Variants in ERBB4 observed in about 807,000 individuals in gnomAD.
ERBB4 encodes the protein erb-b2 receptor tyrosine kinase 4.
A neutral mutation model predicts 158.0 loss-of-function variants in ERBB4; 42 were observed. The observed-to-expected ratio is 0.27, with a 90% CI of 0.21 to 0.34. The LOEUF is 0.34. Among genes scored for constraint, ERBB4 ranks in the 10% least tolerant of loss-of-function variants. The pLI, the probability that ERBB4 is intolerant of heterozygous loss-of-function variation, is 1.00. For missense variants in ERBB4, 1,333 were observed against 1,624.1 expected (o/e 0.82, Z 3.08); for synonymous variants, 583 against 558.7 (o/e 1.04, Z -0.61).
At chr2:211,527,183 A>C (rs2066372509) in intron 20 of ERBB4, among the ~76,000 whole-genome samples, 1 of 152,222 alleles carries the variant, frequency 6.6e-6, no homozygotes, top group Non-Finnish European at 1.5e-5. Flanking sequence ...ATAAAGAAAT[A>C]ATTCTAAAAG....
At chr2:211,593,033 CT>C (rs1350277807) in intron 19 of ERBB4, among the ~76,000 whole-genome samples, 1 of 144,580 alleles carries the variant, frequency 6.9e-6, no homozygotes, top group Non-Finnish European at 1.5e-5. Flanking sequence ...AAGAAGGGCC[CT>C]TCTGCACACT....
intron 1 of ERBB4, among the ~76,000 whole-genome samples, chr2:212,253,169 T>G (rs2084604343): frequency 6.6e-6 from 1 of 152,158 alleles, no homozygotes; most frequent in South Asian, 2.1e-4. Context: ...CCACATAATC[T>G]GTAATCGTTC....
intron 13 of ERBB4, among the ~76,000 whole-genome samples, chr2:211,675,546 G>T (rs1441604087): frequency 6.6e-6 from 1 of 151,818 alleles, no homozygotes; most frequent in African/African-American, 2.4e-5. Context: ...CATGTTGACA[G>T]ATATGGGAAG....
intron 25 of ERBB4, among the ~76,000 whole-genome samples, chr2:211,413,353 TA>T (rs529107649): frequency 1.6e-3 from 137 of 85,854 alleles, no homozygotes; most frequent in Admixed American, 3.9e-3. Flanking sequence ...CACACATTGA[TA>T]AAAAAAAAAA....
At chr2:212,419,656 C>T (rs1048588512) in intron 1 of ERBB4, among the ~76,000 whole-genome samples, 6 of 151,716 alleles carry the variant, frequency 4.0e-5, no homozygotes, top group Admixed American at 2.0e-4. Flanking sequence ...ATTATTTTTA[C>T]AATATTTCAT....
At chr2:211,718,295 A>T (rs1381401969) in intron 7 of ERBB4, among the ~76,000 whole-genome samples, 1 of 152,206 alleles carries the variant, frequency 6.6e-6, no homozygotes, top group Non-Finnish European at 1.5e-5. Context: ...CATGACTAAT[A>T]AGGGAACGAA....
chr2:212,486,000 C>G (rs1297798402), intron 1 of ERBB4, among the ~76,000 whole-genome samples: 1 of 152,012 alleles, frequency 6.6e-6, no homozygotes, highest in East Asian at 1.9e-4. Flanking sequence ...GAGACCTCAA[C>G]ATTAAGGCCA....
intron 5 of ERBB4, among the ~76,000 whole-genome samples, chr2:211,739,540 C>T (rs529043217): frequency 2.4e-4 from 36 of 152,024 alleles, no homozygotes; most frequent in Non-Finnish European, 4.3e-4. Flanking sequence ...CTTGGCTCAC[C>T]GCAACCTCTG....
chr2:211,656,723 G>A (rs988579116), intron 16 of ERBB4, among the ~76,000 whole-genome samples: 4 of 152,118 alleles, frequency 2.6e-5, no homozygotes, highest in African/African-American at 7.2e-5. Flanking sequence ...GAATCATGCA[G>A]TATGTATTTT....
At chr2:212,436,897 T>C (rs985702856) in intron 1 of ERBB4, among the ~76,000 whole-genome samples, 4 of 151,780 alleles carry the variant, frequency 2.6e-5, no homozygotes, top group Non-Finnish European at 4.4e-5. Flanking sequence ...CAAGAATAGG[T>C]TGGAGGCCAG....
intron 1 of ERBB4, among the ~76,000 whole-genome samples, chr2:212,455,180 A>T (rs938284271): frequency 3.1e-5 from 4 of 128,532 alleles, no homozygotes; most frequent in South Asian, 2.4e-4. Flanking sequence ...TTTTGTTTAC[A>T]TGATGCTATT....
At chr2:211,712,644 T>C (rs1332431488) in intron 8 of ERBB4, among the ~76,000 whole-genome samples, 2 of 152,140 alleles carry the variant, frequency 1.3e-5, no homozygotes, top group African/African-American at 2.4e-5. Context: ...ATGGAGAATA[T>C]ATGCAAATAA....
At chr2:212,473,257 T>A (rs938402957) in intron 1 of ERBB4, among the ~76,000 whole-genome samples, 1 of 152,094 alleles carries the variant, frequency 6.6e-6, no homozygotes, top group Admixed American at 6.6e-5. Context: ...GAATTATTCT[T>A]ACTGAATATA....
intron 20 of ERBB4, among the ~76,000 whole-genome samples, chr2:211,476,241 T>C (rs1271673262): frequency 2.0e-5 from 3 of 152,048 alleles, no homozygotes; most frequent in Non-Finnish European, 4.4e-5. Context: ...AGCAGCATAG[T>C]TTGGTTGGAA....
Position 211,817,593 on chromosome 2 carries a change from TC to T in ERBB4, c.422-29435del, listed in dbSNP as rs1293733288. 2.0e-5 allele frequency among the ~76,000 whole-genome samples: 3 copies of T among 152,166 alleles called. No homozygotes were observed. In the South Asian group the frequency reaches 6.2e-4, roughly 32 times the overall value. ...TATCAGTCCCCCTAAATCTTGTCCC[TC>T]CCTGTCTTCTACAGTAATGGAATTT... On this transcript the variant is annotated intron_variant, in intron 3 of 27. Coordinates refer to ENST00000342788, the MANE Select transcript of ERBB4 (RefSeq NM_005235.3).
At position 211,944,270 on chromosome 2, in the gene ERBB4, AC is replaced by A. The variant is rs2080616528; in HGVS notation, c.421+3159del. ...AGTCTTCATCTCAAAACTCTTGGTT[AC>A]AACACTCTGTACACTTCCCATCCCC... On this transcript the variant is annotated intron_variant, in intron 3 of 27. Coordinates refer to ENST00000342788, the MANE Select transcript of ERBB4 (RefSeq NM_005235.3). Among the ~76,000 whole-genome samples the A allele has an allele frequency of 3.4e-5, 5 of 147,390 alleles. No homozygotes were observed. In the Admixed American group the frequency reaches 3.4e-4, roughly 10 times the overall value.
intron 1 of ERBB4, among the ~76,000 whole-genome samples, chr2:212,284,081 C>T (rs1019048105): frequency 6.6e-6 from 1 of 151,944 alleles, no homozygotes; most frequent in Non-Finnish European, 1.5e-5. Context: ...CTATTAAAGT[C>T]AATTATTACA....
chr2:211,452,092 C>T (rs1253298728), intron 20 of ERBB4, among the ~76,000 whole-genome samples: 1 of 152,218 alleles, frequency 6.6e-6, no homozygotes, highest in Non-Finnish European at 1.5e-5. Flanking sequence ...AGCACTCATA[C>T]ACTGCACCTG....
intron 3 of ERBB4, among the ~76,000 whole-genome samples, chr2:211,943,153 C>T (rs1481530051): frequency 6.6e-6 from 1 of 151,866 alleles, no homozygotes; most frequent in African/African-American, 2.4e-5. Context: ...ACATTACCAA[C>T]CATTAGTAAC....
Sources: allele counts gnomAD v4.1 joint callset (sites outside exome capture counted in the v4.1 genomes callset), GRCh38; gene constraint gnomAD v4.1.1; transcripts MANE v1.5; gene names NCBI Gene and HGNC (gene_info 2026-07-23, HGNC 2026-07-21).